COL16A1: variants seen among roughly 807,000 people sequenced by gnomAD.
COL16A1 encodes the protein collagen type XVI alpha 1 chain.
A neutral mutation model predicts 266.3 loss-of-function variants in COL16A1; 189 were observed. The ratio of observed to expected loss-of-function variants is 0.71; its 90% CI spans 0.63 to 0.80. COL16A1 has a LOEUF of 0.80. Among genes scored for constraint, COL16A1 ranks in the 30% least tolerant of loss-of-function variants. COL16A1 has a pLI of 0.00. For synonymous variants in COL16A1, 740 were observed against 782.3 expected (o/e 0.95, Z 0.90); for missense variants, 1,928 against 2,122.4 (o/e 0.91, Z 1.80).
intron 52 of COL16A1, chr1:31,666,421 G>A (rs928412784): frequency 2.2e-5 from 7 of 316,010 alleles, no homozygotes; most frequent in Non-Finnish European, 3.5e-5. Flanking sequence ...TTCCACCAAC[G>A]CTGGTCTTTG....
intron 56 of COL16A1, 62 bp from the exon 57 acceptor site, chr1:31,662,720 C>T: frequency 6.9e-7 from 1 of 1,448,680 alleles, no homozygotes; most frequent in Non-Finnish European, 9.2e-7. Flanking sequence ...CTTTGCCCCA[C>T]CCATGGAGAC....
intron 60 of COL16A1, 56 bp from the exon 61 acceptor site, chr1:31,661,175 C>T: frequency 6.5e-7 from 1 of 1,542,004 alleles, no homozygotes; most frequent in Non-Finnish European, 8.8e-7. Context: ...CATCCCTACC[C>T]CAAGTCAACC....
rs751733560 is a variant in COL16A1, at chr1:31,695,926, G to A, written c.919-139C>T. On this transcript the variant is annotated intron_variant, in intron 9 of 70. Coordinates refer to ENST00000373672, the MANE Select transcript of COL16A1 (RefSeq NM_001856.4). ...CACTGCGTCTGTCTCACCCCCATCC[G>A]TCCTTCTTGATCAGAGCTGGCACCT... is the stretch of plus-strand genomic sequence containing the variant. 210 of 986,668 alleles carry A rather than the reference G, an allele frequency of 2.1e-4. 1 individual carries two copies. The highest frequency in any genetic ancestry group is 4.6e-4 in the East Asian group (19 of 41,702). 61.1% of individuals were successfully genotyped at this position (986,668 alleles called of 1,614,324 possible).
chr1:31,680,134 T>C (rs1254056353), intron 39 of COL16A1, 33 bp from the exon 40 acceptor site: 2 of 1,606,854 alleles, frequency 1.2e-6, no homozygotes, highest in African/African-American at 1.3e-5. Context: ...GAGACATGGA[T>C]GAAGACGAAG....
intron 19 of COL16A1, 80 bp downstream of exon 19, chr1:31,691,337 T>TG: frequency 6.3e-7 from 1 of 1,581,662 alleles, no homozygotes; most frequent in Non-Finnish European, 8.6e-7. Context: ...GAGCCTTATC[T>TG]TCCCCCCGTT....
rs1642635322 is a variant in COL16A1, at chr1:31,670,994, G to C, written c.3151-348C>G. 6.6e-6 allele frequency among the ~76,000 whole-genome samples: 1 copy of C among 152,178 alleles called. No homozygotes were observed. The highest frequency in any genetic ancestry group is 2.1e-4 in the South Asian group (1 of 4,834). On this transcript the variant is annotated intron_variant, in intron 48 of 70. Coordinates refer to ENST00000373672, the MANE Select transcript of COL16A1 (RefSeq NM_001856.4). This position sits in a 1 kb window ranked among gnomAD's most constrained non-coding sequence, Gnocchi z 4.5. ...CCGACCTCCACCTGTCCCCCGAGTG[G>C]GGGGCTCCCTGGCTCTAAGACAGCT...
At chr1:31,680,175 C>G (rs530556249) in intron 39 of COL16A1, 74 bp from the exon 40 acceptor site, 1 of 1,559,266 alleles carries the variant, frequency 6.4e-7, no homozygotes, top group Non-Finnish European at 8.7e-7. Context: ...CCGAGAGGCA[C>G]GTGGGCTCTA....
intron 56 of COL16A1, chr1:31,662,915 C>T: frequency 1.7e-6 from 1 of 574,630 alleles, no homozygotes; most frequent in Non-Finnish European, 3.1e-6. Context: ...TTCTCCAGTG[C>T]TGACCCAGGG....
intron 70 of COL16A1, 120 bp downstream of exon 70, chr1:31,653,479 A>G (rs1288652000): frequency 1.7e-6 from 2 of 1,206,046 alleles, no homozygotes; most frequent in Admixed American, 5.5e-5. Flanking sequence ...CATTCCTATA[A>G]ATGTGGTTGA....
intron 11 of COL16A1, 48 bp from the exon 12 acceptor site, chr1:31,694,218 AC>A: frequency 6.5e-7 from 1 of 1,531,342 alleles, no homozygotes; most frequent in Non-Finnish European, 8.9e-7. Flanking sequence ...GAGAGAGAAA[AC>A]CAGGGGCCCA....
intron 2 of COL16A1, among the ~76,000 whole-genome samples, chr1:31,700,344 C>G (rs947056956): frequency 6.6e-6 from 1 of 152,230 alleles, no homozygotes; most frequent in African/African-American, 2.4e-5. Context: ...AGGCCCAGGC[C>G]AAGGTCACTA....
rs900919200 is a variant in COL16A1 at position 31,685,479 on chromosome 1, G to A, written c.2016+160C>T. 4.3e-4 allele frequency among the ~76,000 whole-genome samples: 65 copies of A among 152,250 alleles called. 1 individual carries two copies. Among genetic ancestry groups the A allele is most frequent in the African/African-American group, 1.5e-3 (61 of 41,546 alleles). On this transcript the variant is annotated intron_variant, in intron 29 of 70. Transcript: ENST00000373672. The surrounding 1 kb of genome is among the most constrained non-coding windows in gnomAD (Gnocchi z 4.0). ...CCCAGGATAAAGGGCAGAGACCTGT[G>A]AGGGCCGCTCCTGCTGGAGACAGAG...
At chr1:31,692,154 T>C in intron 16 of COL16A1, 87 bp from the exon 17 acceptor site, 1 of 1,585,148 alleles carries the variant, frequency 6.3e-7, no homozygotes, top group East Asian at 2.2e-5. Flanking sequence ...ACAACTGCCT[T>C]CTAGACCCCT....
At chr1:31,699,323 G>C (rs1301687882) in intron 4 of COL16A1, among the ~76,000 whole-genome samples, 1 of 152,220 alleles carries the variant, frequency 6.6e-6, no homozygotes, top group Non-Finnish European at 1.5e-5. Context: ...TGGAGCAAGG[G>C]TGGAAGGAGA....
intron 37 of COL16A1, 104 bp downstream of exon 37, chr1:31,682,830 C>G: frequency 1.4e-6 from 2 of 1,430,350 alleles, no homozygotes; most frequent in Non-Finnish European, 1.9e-6. Flanking sequence ...TCCTCCCATC[C>G]CCTGTGCTGC....
rs552652989 is a variant in COL16A1, at chr1:31,684,000, G to C, written c.2287C>G (p.Gln763Glu). ...EGVGRPGKPG[Q>E]PGLPGVQGPP... ...CCTTGAACTCCTGGTAGACCGGGTT[G>C]GCCCTAAAAGGCATAAGGTGGCCCA... The change falls in exon 33 of 71, where the codon CAA becomes GAA. Residue 763 changes from glutamine to glutamate, a missense_variant. Gln to Glu is a conservative substitution (Grantham distance 29). This residue lies in a region of COL16A1 where 1,552 missense variants were observed against 1,637.2 expected (regional missense o/e 0.95). Transcript: ENST00000373672. 1.9e-4 allele frequency: 304 copies of C among 1,614,196 alleles called. 3 individuals carry two copies. In the South Asian group the frequency reaches 3.2e-3, roughly 17 times the overall value.
At position 31,657,019 on chromosome 1, in the gene COL16A1, C is replaced by T; in HGVS notation, c.4056+14G>A. On this transcript the variant is annotated intron_variant, in intron 65 of 70. Transcript: ENST00000373672. This position sits in a 1 kb window ranked among gnomAD's most constrained non-coding sequence, Gnocchi z 6.4. The stretch of plus-strand genomic sequence containing the variant: ...GCACCCCCAAGGAAACAGAGAAGAC[C>T]AGTACAACTGTACCTCTTTGCCAGC... The T allele has an allele frequency of 6.2e-7, 1 of 1,614,070 alleles. No individual in the cohort carries two copies. The highest frequency in any genetic ancestry group is 2.2e-5 in the East Asian group (1 of 44,864).
At chr1:31,665,966 A>C in intron 53 of COL16A1, 31 bp from the exon 54 acceptor site, 1 of 1,613,546 alleles carries the variant, frequency 6.2e-7, no homozygotes, top group East Asian at 2.2e-5. Flanking sequence ...TGCAGCCGAA[A>C]CCTAATCTTC....
chr1:31,680,887 C>T lies in COL16A1; in HGVS notation c.2610+18G>A. 1.2e-6 allele frequency: 2 copies of T among 1,614,198 alleles called. No homozygotes were observed. Among genetic ancestry groups the T allele is most frequent in the Non-Finnish European group, 1.7e-6 (2 of 1,180,028 alleles). On this transcript the variant is annotated intron_variant, in intron 39 of 70. Coordinates refer to ENST00000373672, the MANE Select transcript of COL16A1 (RefSeq NM_001856.4). ...TGCTAATCCCCTAGAATATGGGTCA[C>T]AGGCCCTTGGAACTCACCTTCTCTC...
Sources: gnomAD v4.1 joint callset for allele counts (sites outside exome capture counted in the v4.1 genomes callset) on GRCh38, gnomAD v4.1.1 for gene constraint, gnomAD v4.1.1 regional missense constraint, Gnocchi (gnomAD v3.1) non-coding constraint, MANE v1.5 for transcripts, NCBI Gene and HGNC (gene_info 2026-07-23, HGNC 2026-07-21) for gene names.